Variants in HS3ST3B1 observed in about 807,000 individuals in gnomAD.
HS3ST3B1 encodes the protein heparan sulfate glucosamine 3-O-sulfotransferase 3B1.
In HS3ST3B1, 13 loss-of-function variants were observed where a neutral mutation model predicts 21.3. The observed-to-expected ratio is 0.61, with a 90% confidence interval of 0.40 to 0.97. The LOEUF (loss-of-function observed/expected upper bound fraction) is 0.97. HS3ST3B1 is among the 50% of genes least tolerant of loss of function. The pLI, the probability that HS3ST3B1 is intolerant of heterozygous loss-of-function variation, is 0.00. For synonymous variants in HS3ST3B1, 234 were observed against 254.8 expected (o/e 0.92, Z 0.78); for missense variants, 459 against 554.8 (o/e 0.83, Z 1.73).
chr17:14,341,730 G>A (rs1019933651), intron 1 of HS3ST3B1, among the ~76,000 whole-genome samples: 4 of 152,068 alleles, frequency 2.6e-5, no homozygotes, highest in Non-Finnish European at 5.9e-5. Context: ...AGAACCTTGG[G>A]GTTTGGTATT....
intron 1 of HS3ST3B1, 58 bp from the exon 2 acceptor site, chr17:14,344,970 A>G (rs992536032): frequency 7.6e-6 from 12 of 1,572,566 alleles, no homozygotes; most frequent in African/African-American, 1.4e-5. Flanking sequence ...TGACCTTAAG[A>G]CGTGTGGCCA....
At chr17:14,329,351 A>AAGAAAGAT (rs1909915654) in intron 1 of HS3ST3B1, 1 of 112,078 alleles carries the variant, frequency 8.9e-6, no homozygotes, top group South Asian at 2.9e-4. Context: ...GAAAGAAAGA[A>AAGAAAGAT]AGAAAGAAAG....
At chr17:14,312,788 A>C (rs1389866684) in intron 1 of HS3ST3B1, among the ~76,000 whole-genome samples, 1 of 151,022 alleles carries the variant, frequency 6.6e-6, no homozygotes, top group Non-Finnish European at 1.5e-5. Context: ...ACACCCCCAC[A>C]TTTTACACTC....
intron 1 of HS3ST3B1, chr17:14,329,488 AAAAG>A (rs911602631): frequency 6.6e-6 from 1 of 151,066 alleles, no homozygotes; most frequent in Non-Finnish European, 1.5e-5. Flanking sequence ...AAGAAAGAAG[AAAAG>A]AAAGAAGGAA....
chr17:14,301,850 C>G lies in HS3ST3B1; in HGVS notation c.332C>G (p.Pro111Arg), dbSNP rs1488494177. The change falls in exon 1 of 2, where the codon CCG becomes CGG. Residue 111 changes from proline to arginine, a missense_variant. By Grantham distance (103) the Pro-to-Arg change is moderately radical (BLOSUM62 -2). Around this residue, in one of 3 missense-constraint regions of HS3ST3B1, gnomAD observed 317 missense variants for 278.6 expected, o/e 1.14. Transcript: ENST00000360954. ...GAGATGGCCGAGGGCGCTGCGAGCC[C>G]GGAGGAGCAGAGTCCCGAGGTGCCG... Reference protein sequence around the residue: ...GKEMAEGAASPEEQSPEVPDS... With the variant: ...GKEMAEGAASREEQSPEVPDS... 1 of 1,594,648 alleles carries G rather than the reference C, an allele frequency of 6.3e-7. No homozygotes were observed. Among genetic ancestry groups the G allele is most frequent in the South Asian group, 1.1e-5 (1 of 87,848 alleles).
At position 14,326,663 on chromosome 17, in the gene HS3ST3B1, A is replaced by G. The variant is rs974905244; in HGVS notation, c.555-18365A>G. Among the ~76,000 whole-genome samples, 2 of 152,072 alleles carry G rather than the reference A, an allele frequency of 1.3e-5. 1 individual carries two copies. The highest frequency in any genetic ancestry group is 1.3e-4 in the Admixed American group (2 of 15,268). On this transcript the variant is annotated intron_variant, in intron 1 of 1. Transcript: ENST00000360954. The stretch of plus-strand genomic sequence containing the variant: ...CTCAGGGGCCGTGGCTCACGCCTGT[A>G]ATCCCAGCAGTTTGGGAGGCCGAGG...
chr17:14,340,072 G>A (rs966572737), intron 1 of HS3ST3B1, among the ~76,000 whole-genome samples: 1 of 152,142 alleles, frequency 6.6e-6, no homozygotes, highest in Non-Finnish European at 1.5e-5. Flanking sequence ...GGATGATTCT[G>A]TGCCAGGAGC....
chr17:14,340,772 G>A (rs1910352672), intron 1 of HS3ST3B1, among the ~76,000 whole-genome samples: 1 of 152,082 alleles, frequency 6.6e-6, no homozygotes, highest in South Asian at 2.1e-4. Context: ...TAGGAGAGAC[G>A]AGGTTTCACC....
rs183757322 is a variant in HS3ST3B1, at chr17:14,321,254, C to A, written c.554+19182C>A. On this transcript the variant is annotated intron_variant, in intron 1 of 1. Coordinates refer to ENST00000360954, the MANE Select transcript of HS3ST3B1 (RefSeq NM_006041.3). Reference sequence around the variant, plus strand: ...AGGCTACTCCCCATATGATGGTAATCTCAAATAGTTAATGAGCTAGAAGAG... The same window carrying A: ...AGGCTACTCCCCATATGATGGTAATATCAAATAGTTAATGAGCTAGAAGAG... Among the ~76,000 whole-genome samples, 5 of 152,276 alleles carry A rather than the reference C, an allele frequency of 3.3e-5. No homozygotes were observed. The East Asian group carries it at 9.6e-4, about 29-fold the overall frequency.
In HS3ST3B1 at chr17:14,320,869, G is replaced by A. The variant is rs78580773; in HGVS notation, c.554+18797G>A. Among the ~76,000 whole-genome samples, 492 of 152,300 alleles carry A rather than the reference G, an allele frequency of 3.2e-3. 4 individuals are homozygous for A. The highest frequency in any genetic ancestry group is 0.011 in the African/African-American group (446 of 41,564). On this transcript the variant is annotated intron_variant, in intron 1 of 1. Coordinates refer to ENST00000360954, the MANE Select transcript of HS3ST3B1 (RefSeq NM_006041.3). ...AGTTCCAGGCTGCCAGTGCCAAAATGCCAAACCTGGTAATTAAGAGGTGGC... is the reference window on the plus strand; with the variant it reads ...AGTTCCAGGCTGCCAGTGCCAAAATACCAAACCTGGTAATTAAGAGGTGGC...
chr17:14,302,156 G>T, intron 1 of HS3ST3B1, 84 bp downstream of exon 1: 2 of 1,461,626 alleles, frequency 1.4e-6, no homozygotes, highest in South Asian at 1.3e-5. Context: ...TAGGGAATTG[G>T]CAGGGTTACA....
intron 1 of HS3ST3B1, among the ~76,000 whole-genome samples, chr17:14,309,992 G>A (rs960906909): frequency 1.3e-5 from 2 of 152,190 alleles, no homozygotes; most frequent in Admixed American, 1.3e-4. Context: ...CTCCGCCCCC[G>A]TTTCTCTTTG....
intron 1 of HS3ST3B1, among the ~76,000 whole-genome samples, chr17:14,312,440 T>C (rs962908534): frequency 6.6e-6 from 1 of 152,186 alleles, no homozygotes; most frequent in Non-Finnish European, 1.5e-5. Context: ...AGATGTAGAC[T>C]TTTCCACTTA....
chr17:14,303,107 T>A lies in HS3ST3B1; in HGVS notation c.554+1035T>A, dbSNP rs1307874530. 2.0e-5 allele frequency among the ~76,000 whole-genome samples: 3 copies of A among 151,800 alleles called. No individual in the cohort carries two copies. Among genetic ancestry groups the A allele is most frequent in the Non-Finnish European group, 4.4e-5 (3 of 67,960 alleles). ...GCCCGAGCTTCGGGTAAGGCGCGAG[T>A]GGGCAGGAGGTCTAGATTTCGGCCT... On this transcript the variant is annotated intron_variant, in intron 1 of 1. Transcript: ENST00000360954. The surrounding 1 kb of genome is among the most constrained non-coding windows in gnomAD (Gnocchi z 5.7).
intron 1 of HS3ST3B1, among the ~76,000 whole-genome samples, chr17:14,312,496 A>G (rs1168756051): frequency 6.6e-6 from 1 of 151,594 alleles, no homozygotes; most frequent in East Asian, 1.9e-4. Flanking sequence ...TTCTGTCCCT[A>G]TTCTCTTTCA....
At chr17:14,309,253 G>A (rs1336861745) in intron 1 of HS3ST3B1, among the ~76,000 whole-genome samples, 1 of 152,224 alleles carries the variant, frequency 6.6e-6, no homozygotes, top group African/African-American at 2.4e-5. Context: ...CGCCGCCTCT[G>A]GCCCGGGGGC....
chr17:14,321,852 T>C (rs1909667925), intron 1 of HS3ST3B1, among the ~76,000 whole-genome samples: 1 of 152,156 alleles, frequency 6.6e-6, no homozygotes, highest in Non-Finnish European at 1.5e-5. Flanking sequence ...ACTCCTAAAA[T>C]AAAGGCATTA....
intron 1 of HS3ST3B1, among the ~76,000 whole-genome samples, chr17:14,339,469 G>A (rs1264433548): frequency 1.3e-5 from 2 of 152,092 alleles, no homozygotes; most frequent in Non-Finnish European, 2.9e-5. Flanking sequence ...AGCAAAGGAG[G>A]GTTAAGAGAG....
chr17:14,343,013 G>A (rs1001088634), intron 1 of HS3ST3B1, among the ~76,000 whole-genome samples: 2 of 152,202 alleles, frequency 1.3e-5, no homozygotes, highest in Admixed American at 6.5e-5. Context: ...GGAGGCCAAG[G>A]CGGGTGGATC....
Sources: allele counts gnomAD v4.1 joint callset (sites outside exome capture counted in the v4.1 genomes callset), GRCh38; gene constraint gnomAD v4.1.1; regional missense constraint gnomAD v4.1.1; non-coding constraint Gnocchi (gnomAD v3.1); transcripts MANE v1.5; gene names NCBI Gene and HGNC (gene_info 2026-07-23, HGNC 2026-07-21).